The following FLG variants were observed in gnomAD, a reference collection of about 807,000 sequenced individuals.
The protein encoded by FLG is epidermal filaggrin.
Under a neutral mutation model 3.8 loss-of-function variants are expected in FLG, and 6 were observed. The ratio of observed to expected loss-of-function variants is 1.60; its 90% CI spans 0.87 to 3.15. The LOEUF (loss-of-function observed/expected upper bound fraction) is 3.15, where lower values mean the gene tolerates loss of function less well. Ranked by LOEUF, FLG falls within the 30% of genes most tolerant of loss-of-function variation. The pLI, the probability that FLG is intolerant of heterozygous loss-of-function variation, is 0.00. For missense variants in FLG, 7,595 were observed against 5,050.9 expected, an observed-to-expected ratio of 1.50 and a Z score of -15.27; for synonymous variants, 2,551 against 1,931.6, an observed-to-expected ratio of 1.32 and a Z score of -8.41.
In FLG at chr1:152,309,194, A is replaced by G. The variant is rs1182415701; in HGVS notation, c.5692T>C (p.Ser1898Pro). Residue 1898 changes from serine to proline, a missense_variant, in exon 3 of 3, where the codon TCG (serine) becomes CCG (proline). Physicochemically the swap from Ser to Pro is moderately conservative, Grantham distance 74 (BLOSUM62 -1). Transcript: ENST00000368799. Reference protein sequence around the residue: ...ASSRADSSRHSQVGQGQSSGP... With the variant: ...ASSRADSSRHPQVGQGQSSGP... ...GATGATTGTCCCTGGCCCACCTGCG[A>G]GTGTCTAGAGCTGTCGGCCCGAGAG... is the stretch of plus-strand genomic sequence containing the variant. The G allele has an allele frequency of 5.6e-6, 9 of 1,613,206 alleles. No homozygotes were observed. Among genetic ancestry groups the G allele is most frequent in the Non-Finnish European group, 7.6e-6 (9 of 1,179,840 alleles).
At chr1:152,318,876 T>A (rs557370893) in intron 1 of FLG, among the ~76,000 whole-genome samples, 28 of 151,946 alleles carry the variant, frequency 1.8e-4, no homozygotes, top group Non-Finnish European at 3.8e-4. Flanking sequence ...TGTACATAAC[T>A]AAAATAAGAG....
In FLG at chr1:152,307,655, A is replaced by G. The variant is rs966449727; in HGVS notation, c.7231T>C (p.Ser2411Pro). 11 of 1,613,028 alleles carry G rather than the reference A, an allele frequency of 6.8e-6. No individual in the cohort carries two copies. In the African/African-American group the frequency reaches 1.5e-4, roughly 22 times the overall value. ...RGRSAGRSGR[S>P]GSFLYQVSTH... ...CTCACCTGGTAGAGGAAAGACCCTGAACGTCCAGACCTTCCTGCTGACCGG... is the reference window on the plus strand; with the variant it reads ...CTCACCTGGTAGAGGAAAGACCCTGGACGTCCAGACCTTCCTGCTGACCGG... Residue 2411 changes from serine (S) to proline (P), a missense_variant, in exon 3 of 3, where the codon TCA becomes CCA. Ser to Pro is a moderately conservative substitution (Grantham distance 74, BLOSUM62 -1). Coordinates refer to ENST00000368799, the MANE Select transcript of FLG (RefSeq NM_002016.2).
At position 152,309,916 on chromosome 1, in the gene FLG, T is replaced by C. The variant is rs1197099226; in HGVS notation, c.4970A>G (p.His1657Arg). The C allele has an allele frequency of 2.1e-5, 34 of 1,614,152 alleles. 1 individual carries two copies. Among genetic ancestry groups the C allele is most frequent in the Non-Finnish European group, 2.9e-5 (34 of 1,180,036 alleles). Residue 1657 changes from histidine (H) to arginine (R), a missense_variant, in exon 3 of 3, where the codon CAT becomes CGT. By Grantham distance (29) the His-to-Arg change is conservative. Transcript: ENST00000368799. ...AESSRQSGTR[H>R]AETSSGGQAA... ...CTGTCCACCAGAGGAAGTCTCTGCATGACGAGTGCCTGATTGTCTGGAGCT... is the reference window on the plus strand; with the variant it reads ...CTGTCCACCAGAGGAAGTCTCTGCACGACGAGTGCCTGATTGTCTGGAGCT...
In FLG at chr1:152,304,068, G is replaced by A. The variant is rs978584025; in HGVS notation, c.10818C>T (p.Ser3606=). The A allele has an allele frequency of 1.9e-6, 3 of 1,612,898 alleles. No homozygotes were observed. The highest frequency in any genetic ancestry group is 2.5e-6 in the Non-Finnish European group (3 of 1,179,944). The change falls in exon 3 of 3, where the codon TCC becomes TCT. Residue 3606 remains serine (S), a synonymous_variant. Coordinates refer to ENST00000368799, the MANE Select transcript of FLG (RefSeq NM_002016.2). ...RQSGTHHAEN[S]SGGQAASSHE... ...GGGATGATGCAGCCTGTCCACCAGA[G>A]GAATTCTCTGCATGATGAGTGCCTG...
In FLG at chr1:152,307,755, G is replaced by A. The variant is rs200178400; in HGVS notation, c.7131C>T (p.Asp2377=). ...GGGCTGACACTGACTGTGTGTCTGA[G>A]TCTTCTGAATGTCCCTCACTGTCAC... is the stretch of plus-strand genomic sequence containing the variant. ...QASDSEGHSE[D]SDTQSVSAHG... Residue 2377 remains aspartate (D), a synonymous_variant, in exon 3 of 3, where the codon GAC becomes GAT. Transcript: ENST00000368799. The A allele has an allele frequency of 6.2e-7, 1 of 1,613,202 alleles. No homozygotes were observed. Among genetic ancestry groups the A allele is most frequent in the Non-Finnish European group, 8.5e-7 (1 of 1,179,624 alleles).
At chr1:152,320,252 T>C (rs568363758) in intron 1 of FLG, among the ~76,000 whole-genome samples, 13 of 151,052 alleles carry the variant, frequency 8.6e-5, no homozygotes, top group Middle Eastern at 3.4e-3. Flanking sequence ...AGTAGTAATA[T>C]TGTAGAGATG....
Position 152,312,065 on chromosome 1 carries a change from G to C in FLG, c.2821C>G (p.Arg941Gly). The C allele has an allele frequency of 6.2e-7, 1 of 1,601,686 alleles. No homozygotes were observed. The highest frequency in any genetic ancestry group is 8.5e-7 in the Non-Finnish European group (1 of 1,170,648). Residue 941 changes from arginine (R) to glycine (G), a missense_variant, in exon 3 of 3, where the codon CGC becomes GGC. Transcript: ENST00000368799. ...GQSEGSRTSR[R>G]QGSSVSQDSD... ...TCCTGGCTAACACTGGATCCCTGGC[G>C]CCTGCTTGTCCTGGACCCCTCTGAT...
rs1443288957 is a variant in FLG, at chr1:152,309,629, C to T, written c.5257G>A (p.Gly1753Ser). The T allele has an allele frequency of 6.2e-7, 1 of 1,613,968 alleles. No individual in the cohort carries two copies. Among genetic ancestry groups the T allele is most frequent in the Non-Finnish European group, 8.5e-7 (1 of 1,179,988 alleles). The change falls in exon 3 of 3, where the codon GGC (glycine) becomes AGC (serine). Residue 1753 changes from glycine to serine, a missense_variant. By Grantham distance (56) the Gly-to-Ser change is moderately conservative. Coordinates refer to ENST00000368799, the MANE Select transcript of FLG (RefSeq NM_002016.2). The part of the protein sequence containing the change: ...HQQSHQESTR[G>S]QSGERSGRSG... The stretch of plus-strand genomic sequence containing the variant: ...CGTCCAGACCTTTCCCCTGACTGGC[C>T]ACGTGTGGACTCTTGGTGGCTCTGC...
intron 1 of FLG, among the ~76,000 whole-genome samples, chr1:152,316,142 A>C (rs1652781360): frequency 6.6e-6 from 1 of 152,206 alleles, no homozygotes; most frequent in African/African-American, 2.4e-5. Flanking sequence ...AGTGTGTATT[A>C]TATAAAGAAT....
Position 152,309,458 on chromosome 1 carries a change from G to C in FLG, c.5428C>G (p.Gln1810Glu). The C allele has an allele frequency of 9.3e-6, 15 of 1,613,048 alleles. No individual in the cohort carries two copies. The highest frequency in any genetic ancestry group is 1.3e-5 in the African/African-American group (1 of 74,732). ...SSRHSASQEG[Q>E]DTIRGHPGSS... Reference sequence around the variant, plus strand: ...CCTGGGTGTCCACGAATGGTGTCCTGACCCTCTTGGGACGCTGAGTGCCTG... The same window carrying C: ...CCTGGGTGTCCACGAATGGTGTCCTCACCCTCTTGGGACGCTGAGTGCCTG... Residue 1810 changes from glutamine to glutamate, a missense_variant, in exon 3 of 3, where the codon CAG becomes GAG. Transcript: ENST00000368799.
Position 152,322,704 on chromosome 1 carries a change from GA to G in FLG, c.-22+2484del, listed in dbSNP as rs1400198268. 2.1e-4 allele frequency among the ~76,000 whole-genome samples: 31 copies of G among 151,058 alleles called. 1 individual carries two copies. On this transcript the variant is annotated intron_variant, in intron 1 of 2. Transcript: ENST00000368799. ...AGAAAACATGAAAGAGCTATACTCAGAAAATTATAAATATTGAGATAAAGAT... is the reference window on the plus strand; with the variant it reads ...AGAAAACATGAAAGAGCTATACTCAGAAATTATAAATATTGAGATAAAGAT...
In FLG at chr1:152,303,402, C is replaced by A. The variant is rs370872906; in HGVS notation, c.11484G>T (p.Ser3828=). ...QSGDGSRHSG[S]RHHEASTQAD... is the part of the protein sequence containing the mutation. ...CCTGAGTGGAAGCTTCATGGTGACGCGACCCTGAGTGCCTGGAGCCGTCTC... is the reference window on the plus strand; with the variant it reads ...CCTGAGTGGAAGCTTCATGGTGACGAGACCCTGAGTGCCTGGAGCCGTCTC... Residue 3828 remains serine (S), a synonymous_variant, in exon 3 of 3, where the codon TCG becomes TCT. Coordinates refer to ENST00000368799, the MANE Select transcript of FLG (RefSeq NM_002016.2). 4.3e-6 allele frequency: 7 copies of A among 1,613,934 alleles called. No homozygotes were observed. The highest frequency in any genetic ancestry group is 5.9e-6 in the Non-Finnish European group (7 of 1,180,010).
chr1:152,312,429 T>A lies in FLG; in HGVS notation c.2457A>T (p.Gly819=), dbSNP rs745479708. The change falls in exon 3 of 3, where the codon GGA becomes GGT. Residue 819 remains glycine (G), a synonymous_variant. Coordinates refer to ENST00000368799, the MANE Select transcript of FLG (RefSeq NM_002016.2). ...WTGPSTGVRQ[G]SHHEQARDNS... ...TGTCTCGTGCCTGCTCATGGTGGGA[T>A]CCTTGTCTTACTCCAGTGCTGGGCC... is the stretch of plus-strand genomic sequence containing the variant. 2 of 1,613,390 alleles carry A rather than the reference T, an allele frequency of 1.2e-6. No individual in the cohort carries two copies. Among genetic ancestry groups the A allele is most frequent in the Non-Finnish European group, 1.7e-6 (2 of 1,179,854 alleles).
At chr1:152,323,237 G>T (rs1322773226) in intron 1 of FLG, among the ~76,000 whole-genome samples, 1 of 151,504 alleles carries the variant, frequency 6.6e-6, no homozygotes, top group Non-Finnish European at 1.5e-5. Context: ...AGGACCTCGG[G>T]GTGGGGAAAT....
In FLG at chr1:152,312,969, C is replaced by A. The variant is rs1472540240; in HGVS notation, c.1917G>T (p.Gly639=). Residue 639 remains glycine (G), a synonymous_variant, in exon 3 of 3, where the codon GGG becomes GGT. Transcript: ENST00000368799. ...ATCCATGATGGTTTCTGGAAGCAGA[C>A]CCAGACCACCTCTCAGAGTCTTCTG... ...GHSEDSERWS[G]SASRNHHGSA... is the part of the protein sequence containing the mutation. The A allele has an allele frequency of 2.5e-6, 4 of 1,613,826 alleles. No homozygotes were observed. Among genetic ancestry groups the A allele is most frequent in the Non-Finnish European group, 2.5e-6 (3 of 1,180,022 alleles).
chr1:152,304,155 G>T lies in FLG; in HGVS notation c.10731C>A (p.His3577Gln). Residue 3577 changes from histidine (H) to glutamine (Q), a missense_variant, in exon 3 of 3, where the codon CAC becomes CAA. Physicochemically the swap from His to Gln is conservative, Grantham distance 24. Transcript: ENST00000368799. ...AQEQSRDGSR[H>Q]PTSHHEDRAG... The stretch of plus-strand genomic sequence containing the variant: ...CTCTGTCTTCGTGATGGGACGTGGG[G>T]TGTCTGGAGCCATCTCTTGACTGCT... The T allele has an allele frequency of 6.2e-7, 1 of 1,606,134 alleles. No homozygotes were observed. The highest frequency in any genetic ancestry group is 8.5e-7 in the Non-Finnish European group (1 of 1,178,986).
At position 152,312,575 on chromosome 1, in the gene FLG, G is replaced by C. The variant is rs759178972; in HGVS notation, c.2311C>G (p.His771Asp). The C allele has an allele frequency of 1.1e-5, 18 of 1,613,502 alleles. 1 individual carries two copies. The highest frequency in any genetic ancestry group is 1.4e-5 in the Non-Finnish European group (17 of 1,179,940). ...SVSGHGQAGH[H>D]QQSHQESARD... ...GCGGACTCTTGGTGGCTCTGCTGATGGTGACCAGCCTGTCCATGGCCTGAC... is the reference window on the plus strand; with the variant it reads ...GCGGACTCTTGGTGGCTCTGCTGATCGTGACCAGCCTGTCCATGGCCTGAC... Residue 771 changes from histidine to aspartate, a missense_variant, in exon 3 of 3, where the codon CAT becomes GAT. By Grantham distance (81) the His-to-Asp change is moderately conservative (BLOSUM62 -1). Coordinates refer to ENST00000368799, the MANE Select transcript of FLG (RefSeq NM_002016.2).
Position 152,309,227 on chromosome 1 carries a change from C to A in FLG, c.5659G>T (p.Glu1887Ter). 1 of 1,613,586 alleles carries A rather than the reference C, an allele frequency of 6.2e-7. No homozygotes were observed. The highest frequency in any genetic ancestry group is 8.5e-7 in the Non-Finnish European group (1 of 1,179,900). ...GAGCTGTCGGCCCGAGAGGAAGCTT[C>A]ATGGTGACGCGACCCTGAGTGCCTG... ...GSRHSGSRHH[E>*]ASSRADSSRH... Residue 1887 changes from glutamate to a stop codon, truncating the protein, a stop_gained, in exon 3 of 3, where the codon GAA (glutamate) becomes TAA (stop). Transcript: ENST00000368799. LOFTEE classifies it low-confidence loss of function (END_TRUNC).
rs145389873 is a variant in FLG, at chr1:152,304,980, G to A, written c.9906C>T (p.His3302=). The change falls in exon 3 of 3, where the codon CAC becomes CAT. Residue 3302 remains histidine (H), a synonymous_variant. Coordinates refer to ENST00000368799, the MANE Select transcript of FLG (RefSeq NM_002016.2). ...EQARSSPGER[H]GSRHQQSADS... is the part of the protein sequence containing the mutation. The stretch of plus-strand genomic sequence containing the variant: ...CTGCTGACTGCTGGTGGCGGGATCC[G>A]TGTCTCTCTCCTGGACTTGATCTTG... 291 of 1,613,368 alleles carry A rather than the reference G, an allele frequency of 1.8e-4. 1 individual carries two copies. The highest frequency in any genetic ancestry group is 4.3e-4 in the Admixed American group (26 of 59,960).
Sources: allele counts gnomAD v4.1 joint callset (sites outside exome capture counted in the v4.1 genomes callset), GRCh38; gene constraint gnomAD v4.1.1; transcripts MANE v1.5; gene names NCBI Gene and HGNC (gene_info 2026-07-23, HGNC 2026-07-21).